Variants in PCP4 observed in about 807,000 individuals in gnomAD.
PCP4 encodes Purkinje cell protein 4, also known as calmodulin regulator protein PCP4.
PCP4 carries 8 observed loss-of-function variants against 10.0 expected under a neutral mutation model. The observed-to-expected ratio is 0.80, with a 90% CI of 0.47 to 1.45. The LOEUF is 1.45. Among genes scored for constraint, PCP4 ranks in the 40% most tolerant of loss-of-function variants. PCP4 has a pLI of 0.00. For synonymous variants in PCP4, 21 were observed against 23.0 expected, an observed-to-expected ratio of 0.91 and a Z score of 0.24; for missense variants, 54 against 74.4, an observed-to-expected ratio of 0.73 and a Z score of 1.01.
intron 2 of PCP4, among the ~76,000 whole-genome samples, chr21:39,923,920 A>G (rs1257603823): frequency 2.0e-5 from 3 of 152,156 alleles, no homozygotes; most frequent in Admixed American, 6.5e-5. Context: ...CAGTGACATG[A>G]CTTGTGAGTT....
At chr21:39,891,805 T>G (rs1443044815) in intron 1 of PCP4, among the ~76,000 whole-genome samples, 1 of 152,242 alleles carries the variant, frequency 6.6e-6, no homozygotes, top group Non-Finnish European at 1.5e-5. Context: ...TAGGTCAGCG[T>G]TTTCTTCTCT....
chr21:39,917,448 C>A lies in PCP4; in HGVS notation c.62-11536C>A, dbSNP rs139551877. Among the ~76,000 whole-genome samples, 219 of 152,328 alleles carry A rather than the reference C, an allele frequency of 1.4e-3. 1 individual carries two copies. Among genetic ancestry groups the A allele is most frequent in the East Asian group, 9.5e-3 (49 of 5,156 alleles). On this transcript the variant is annotated intron_variant, in intron 2 of 2. Transcript: ENST00000328619. The stretch of plus-strand genomic sequence containing the variant: ...CCCTGAGACATCGGGGAATGATGTC[C>A]TCCAGCTTCTCAGCCTGGTGGTAGA...
chr21:39,871,856 A>AT (rs769423236), intron 1 of PCP4, among the ~76,000 whole-genome samples: 24 of 151,476 alleles, frequency 1.6e-4, no homozygotes, highest in Non-Finnish European at 2.7e-4. Context: ...CAAGATGTAT[A>AT]TTTTTTTTTC....
At chr21:39,918,459 G>A (rs2087579642) in intron 2 of PCP4, among the ~76,000 whole-genome samples, 1 of 152,194 alleles carries the variant, frequency 6.6e-6, no homozygotes, top group Non-Finnish European at 1.5e-5. Flanking sequence ...TTGTATTAAT[G>A]AGAACTTGAT....
chr21:39,867,961 C>T (rs797007901), intron 1 of PCP4, among the ~76,000 whole-genome samples: 14 of 152,230 alleles, frequency 9.2e-5, no homozygotes, highest in African/African-American at 3.4e-4. Context: ...TTTCATGGCT[C>T]AGTTGTACAA....
At chr21:39,891,011 C>T (rs1215674757) in intron 1 of PCP4, among the ~76,000 whole-genome samples, 1 of 152,110 alleles carries the variant, frequency 6.6e-6, no homozygotes, top group African/African-American at 2.4e-5. Flanking sequence ...TGCACAGCTC[C>T]TAAATGTAGC....
At chr21:39,889,070 C>G (rs567428770) in intron 1 of PCP4, among the ~76,000 whole-genome samples, 1 of 152,240 alleles carries the variant, frequency 6.6e-6, no homozygotes, top group South Asian at 2.1e-4. Context: ...ATCACGGGGC[C>G]GAGAGGGAAC....
intron 2 of PCP4, among the ~76,000 whole-genome samples, chr21:39,921,310 A>G (rs1038347280): frequency 6.6e-6 from 1 of 152,232 alleles, no homozygotes; most frequent in Non-Finnish European, 1.5e-5. Flanking sequence ...CCACAGGATG[A>G]AAACAAGATT....
intron 1 of PCP4, among the ~76,000 whole-genome samples, chr21:39,891,428 G>C (rs139624717): frequency 1.3e-5 from 2 of 152,242 alleles, no homozygotes; most frequent in Non-Finnish European, 2.9e-5. Context: ...CAGATGCATG[G>C]GGAATTGGTG....
intron 1 of PCP4, among the ~76,000 whole-genome samples, chr21:39,886,650 G>C (rs2087401940): frequency 1.3e-5 from 2 of 152,198 alleles, no homozygotes; most frequent in Admixed American, 6.6e-5. Context: ...GATTTGAAAA[G>C]TCAGAGGGAG....
At chr21:39,909,054 GA>G (rs1234984827) in intron 2 of PCP4, among the ~76,000 whole-genome samples, 1 of 152,152 alleles carries the variant, frequency 6.6e-6, no homozygotes, top group Non-Finnish European at 1.5e-5. Context: ...CCATGGTGAA[GA>G]AATGAAATCA....
chr21:39,869,457 C>T (rs2087309490), intron 1 of PCP4, among the ~76,000 whole-genome samples: 1 of 152,196 alleles, frequency 6.6e-6, no homozygotes, highest in Non-Finnish European at 1.5e-5. Context: ...TGCCTTAGTT[C>T]CTTTAATGTG....
chr21:39,874,721 A>AT (rs142252908), intron 1 of PCP4, among the ~76,000 whole-genome samples: 20 of 148,182 alleles, frequency 1.3e-4, no homozygotes, highest in African/African-American at 4.5e-4. Context: ...AAGTTCTAGT[A>AT]TTTTAAAAAA....
At chr21:39,908,299 C>T (rs1029669250) in intron 2 of PCP4, among the ~76,000 whole-genome samples, 7 of 152,096 alleles carry the variant, frequency 4.6e-5, no homozygotes, top group Non-Finnish European at 8.8e-5. Flanking sequence ...TCCCCACAGT[C>T]GGTGTAAGCC....
intron 2 of PCP4, among the ~76,000 whole-genome samples, chr21:39,908,870 C>T (rs1414338834): frequency 6.6e-6 from 1 of 152,130 alleles, no homozygotes; most frequent in Non-Finnish European, 1.5e-5. Context: ...CATTCAGGTC[C>T]CTCTTGGATA....
rs559684635 is a variant in PCP4, at chr21:39,883,885, T to G, written c.10-14591T>G. On this transcript the variant is annotated intron_variant, in intron 1 of 2. Transcript: ENST00000328619. The stretch of plus-strand genomic sequence containing the variant: ...TTTACCATTATTTTGCTCTCTGATT[T>G]TTCTTAGAAACCAAATCCATGCAAT... 2.6e-5 allele frequency among the ~76,000 whole-genome samples: 4 copies of G among 152,334 alleles called. No homozygotes were observed. In the South Asian group the frequency reaches 8.3e-4, roughly 32 times the overall value.
chr21:39,884,000 G>T (rs2087388332), intron 1 of PCP4, among the ~76,000 whole-genome samples: 1 of 152,148 alleles, frequency 6.6e-6, no homozygotes, highest in Non-Finnish European at 1.5e-5. Context: ...CTGAGGCTCA[G>T]AGAAGTTAAG....
At chr21:39,878,610 T>C (rs1050904275) in intron 1 of PCP4, among the ~76,000 whole-genome samples, 1 of 152,220 alleles carries the variant, frequency 6.6e-6, no homozygotes, top group African/African-American at 2.4e-5. Flanking sequence ...GTCAATTACA[T>C]TTTTGAAAGT....
At chr21:39,903,890 A>AAAAAAAAAAAAAAAAC (rs2087494298) in intron 2 of PCP4, among the ~76,000 whole-genome samples, 1 of 151,598 alleles carries the variant, frequency 6.6e-6, no homozygotes, top group South Asian at 2.1e-4. Flanking sequence ...AAAAAAAAAA[A>AAAAAAAAAAAAAAAAC]AAAAAAGACT....
Sources: allele counts gnomAD v4.1 joint callset (sites outside exome capture counted in the v4.1 genomes callset), GRCh38; gene constraint gnomAD v4.1.1; transcripts MANE v1.5; gene names NCBI Gene and HGNC (gene_info 2026-07-23, HGNC 2026-07-21).